The following NALCN variants were observed in gnomAD, a reference collection of about 807,000 sequenced individuals.
The protein encoded by NALCN is sodium leak channel, non-selective, also known as sodium leak channel NALCN.
NALCN carries 111 observed loss-of-function variants against 225.3 expected under a neutral mutation model. The observed-to-expected ratio is 0.49, with a 90% CI of 0.42 to 0.58. The LOEUF is 0.58. Ranked by LOEUF, NALCN falls within the 20% of genes least tolerant of loss-of-function variation. The probability of loss-of-function intolerance (pLI) is 0.00; values close to 1 mark genes in which losing one functional copy is unlikely to be tolerated. For synonymous variants in NALCN, 764 were observed against 769.0 expected (o/e 0.99, Z 0.11); for missense variants, 1,378 against 2,202.4 (o/e 0.63, Z 7.49).
At chr13:101,294,078 A>G (rs2043647429) in intron 7 of NALCN, among the ~76,000 whole-genome samples, 1 of 152,198 alleles carries the variant, frequency 6.6e-6, no homozygotes, top group Admixed American at 6.5e-5. Flanking sequence ...TCACTGGTTA[A>G]TGAAGGTCTC....
rs200169821 is a variant in NALCN at position 101,054,460 on chromosome 13, G to T, written c.*835C>A. On this transcript the variant is annotated 3_prime_UTR_variant, in exon 44 of 44. Transcript: ENST00000251127. ...CCAATGATAACATCACACATGCAAA[G>T]ATTTTTTTAAATAAATTGAGCTATA... 2.0e-5 allele frequency: 3 copies of T among 149,288 alleles called. No homozygotes were observed. The highest frequency in any genetic ancestry group is 4.5e-5 in the Non-Finnish European group (3 of 66,676). The allele number at this position is 149,288 out of a possible 1,614,324, so 9.2% of individuals were successfully genotyped here. A position where few individuals can be genotyped will look rare whatever the true frequency, so the allele number is the denominator to read the frequency against.
At position 101,054,887 on chromosome 13, in the gene NALCN, A is replaced by C. The variant is rs1317740242; in HGVS notation, c.*408T>G. 2 of 159,218 alleles carry C rather than the reference A, an allele frequency of 1.3e-5. No individual in the cohort carries two copies. Among genetic ancestry groups the C allele is most frequent in the Non-Finnish European group, 2.7e-5 (2 of 73,038 alleles). The allele number at this position is 159,218 out of a possible 1,614,324, so 9.9% of individuals were successfully genotyped here. A position where few individuals can be genotyped will look rare whatever the true frequency, so the allele number is the denominator to read the frequency against. ...GAAATATTTCTAGTGGAAATGGGAA[A>C]GATGTGAACTAAAGCTATAACCCCT... On this transcript the variant is annotated 3_prime_UTR_variant, in exon 44 of 44. Transcript: ENST00000251127.
intron 22 of NALCN, among the ~76,000 whole-genome samples, chr13:101,106,814 T>C (rs7993431): frequency 0.5 from 75,619 of 152,066 alleles, 19,077 homozygotes; most frequent in East Asian, 0.57. Context: ...TCTTTTTCTT[T>C]ATAAATTACC....
At chr13:101,407,885 A>T (rs957134680) in intron 1 of NALCN, among the ~76,000 whole-genome samples, 1 of 152,216 alleles carries the variant, frequency 6.6e-6, no homozygotes, top group East Asian at 1.9e-4. Context: ...CATTAAAAAA[A>T]TTTTCAGTTT....
intron 3 of NALCN, among the ~76,000 whole-genome samples, chr13:101,391,816 C>A (rs1449490805): frequency 3.6e-5 from 5 of 138,826 alleles, no homozygotes; most frequent in Non-Finnish European, 6.1e-5. Flanking sequence ...AACCGCATCT[C>A]TACTAAACAC....
chr13:101,399,724 A>G (rs927736093), intron 1 of NALCN, among the ~76,000 whole-genome samples: 12 of 152,332 alleles, frequency 7.9e-5, no homozygotes, highest in African/African-American at 2.9e-4. Context: ...TTATGAATGC[A>G]GTGATTATCT....
Position 101,229,504 on chromosome 13 carries a change from C to T in NALCN, c.1515G>A (p.Lys505=), listed in dbSNP as rs763351008. 2.3e-5 allele frequency: 37 copies of T among 1,611,838 alleles called. No individual in the cohort carries two copies. The highest frequency in any genetic ancestry group is 3.1e-5 in the Non-Finnish European group (37 of 1,179,160). Residue 505 remains lysine (K), a synonymous_variant, in exon 13 of 44, where the codon AAG becomes AAA. Transcript: ENST00000251127. ...CAGTAAATACAACCAAACTCCCAAG[C>T]TTTTTTCCAGGACCAAATATCTTGT... ...FVYKIFGPGK[K]LGSLVVFTAS... is the part of the protein sequence containing the mutation.
At chr13:101,327,441 T>G (rs1477129898) in intron 7 of NALCN, among the ~76,000 whole-genome samples, 1 of 152,280 alleles carries the variant, frequency 6.6e-6, no homozygotes, top group Admixed American at 6.5e-5. Flanking sequence ...TCTTTAATCA[T>G]TCAGGCTCAT....
At chr13:101,360,057 CTT>C (rs902144332) in intron 6 of NALCN, among the ~76,000 whole-genome samples, 11 of 121,186 alleles carry the variant, frequency 9.1e-5, no homozygotes, top group African/African-American at 3.1e-4. Flanking sequence ...TTCTTTTTCT[CTT>C]TCTTTCTTTT....
At chr13:101,350,934 T>C (rs2045889521) in intron 6 of NALCN, among the ~76,000 whole-genome samples, 1 of 152,204 alleles carries the variant, frequency 6.6e-6, no homozygotes, top group Admixed American at 6.5e-5. Context: ...CAAAATTACA[T>C]GAGCCAATTC....
chr13:101,311,193 T>C (rs2044330259), intron 7 of NALCN, among the ~76,000 whole-genome samples: 1 of 151,018 alleles, frequency 6.6e-6, no homozygotes, highest in African/African-American at 2.4e-5. Flanking sequence ...ATGCTTGTGA[T>C]TTTTGCACAT....
chr13:101,098,804 G>C (rs753378324), intron 27 of NALCN, among the ~76,000 whole-genome samples: 5 of 151,748 alleles, frequency 3.3e-5, no homozygotes, highest in Non-Finnish European at 7.4e-5. Flanking sequence ...CTTATGTTTG[G>C]ATTTGAGAAG....
Position 101,176,286 on chromosome 13 carries a change from C to G in NALCN, c.1839+14G>C. 1.3e-6 allele frequency: 2 copies of G among 1,515,722 alleles called. No homozygotes were observed. Among genetic ancestry groups the G allele is most frequent in the Non-Finnish European group, 1.8e-6 (2 of 1,138,114 alleles). The allele number at this position is 1,515,722 out of a possible 1,614,324, so 93.9% of individuals were successfully genotyped here. ...TTTGTCCTTTTTAAAAAAAATCCCC[C>G]ACACACTACTTACTTGTTTAAGCTT... is the stretch of plus-strand genomic sequence containing the variant. On this transcript the variant is annotated intron_variant, in intron 15 of 43. Transcript: ENST00000251127.
intron 17 of NALCN, among the ~76,000 whole-genome samples, chr13:101,140,277 C>T (rs903758837): frequency 2.0e-5 from 3 of 152,180 alleles, no homozygotes; most frequent in African/African-American, 7.2e-5. Context: ...GGGCGGGCCA[C>T]ATTCTCTTTA....
intron 7 of NALCN, among the ~76,000 whole-genome samples, chr13:101,334,978 A>T (rs2045331721): frequency 6.6e-6 from 1 of 152,178 alleles, no homozygotes; most frequent in Non-Finnish European, 1.5e-5. Flanking sequence ...TATTTGAAGT[A>T]TTACTTTTTT....
chr13:101,079,379 C>G (rs2033476075), intron 34 of NALCN, among the ~76,000 whole-genome samples: 1 of 152,162 alleles, frequency 6.6e-6, no homozygotes, highest in African/African-American at 2.4e-5. Context: ...ACCTTCTTAC[C>G]CATCCAAATC....
At chr13:101,152,114 ATT>A (rs2037680693) in intron 15 of NALCN, among the ~76,000 whole-genome samples, 1 of 152,226 alleles carries the variant, frequency 6.6e-6, no homozygotes, top group Non-Finnish European at 1.5e-5. Flanking sequence ...GTTTTCAATT[ATT>A]TGGACGCATC....
At chr13:101,213,708 G>C (rs1177121607) in intron 13 of NALCN, among the ~76,000 whole-genome samples, 1 of 152,142 alleles carries the variant, frequency 6.6e-6, no homozygotes, top group Non-Finnish European at 1.5e-5. Flanking sequence ...CATCATCACT[G>C]GCCATCAGAG....
intron 6 of NALCN, among the ~76,000 whole-genome samples, chr13:101,370,149 A>G (rs1594752880): frequency 1.3e-5 from 2 of 152,240 alleles, no homozygotes; most frequent in South Asian, 4.1e-4. Context: ...AAAGATGAAT[A>G]TAACACAATA....
Sources: allele counts gnomAD v4.1 joint callset (sites outside exome capture counted in the v4.1 genomes callset), GRCh38; gene constraint gnomAD v4.1.1; transcripts MANE v1.5; gene names NCBI Gene and HGNC (gene_info 2026-07-23, HGNC 2026-07-21).